Variants in AR observed in about 807,000 individuals in gnomAD.
AR encodes the protein androgen receptor.
AR carries 8 observed loss-of-function variants against 53.9 expected under a neutral mutation model. That is an observed-to-expected ratio of 0.15 (90% CI 0.09 to 0.27). AR has a LOEUF of 0.27. Ranked by LOEUF, AR falls within the 10% of genes least tolerant of loss-of-function variation. The pLI is 1.00. For synonymous variants in AR, 359 were observed against 316.4 expected, an observed-to-expected ratio of 1.13 and a Z score of -1.43; for missense variants, 639 against 742.5, an observed-to-expected ratio of 0.86 and a Z score of 1.62.
At chrX:67,677,437 CACAATCTA>C (rs1415234688) in intron 2 of AR, among the ~76,000 whole-genome samples, 1 of 111,781 alleles carries the variant, frequency 8.9e-6, no homozygotes, top group Non-Finnish European at 1.9e-5. Flanking sequence ...TTATCTCTTG[CACAATCTA>C]ACGAGGGAGA....
At chrX:67,546,892 T>G in intron 1 of AR, 130 bp downstream of exon 1, 1 of 772,698 alleles carries the variant, frequency 1.3e-6, no homozygotes, top group Non-Finnish European at 1.9e-6. Context: ...AGGGTAAACC[T>G]AGAGCTCTCC....
intron 3 of AR, among the ~76,000 whole-genome samples, chrX:67,693,475 T>G (rs1270541125): frequency 8.9e-6 from 1 of 112,604 alleles, no homozygotes; most frequent in Non-Finnish European, 1.9e-5. Context: ...TATTTATTAT[T>G]TAAAAAGAGT....
chrX:67,695,977 GA>G (rs2076018803), intron 3 of AR: 2 of 753,484 alleles, frequency 2.7e-6, no homozygotes, highest in Non-Finnish European at 3.1e-6. Context: ...AATGTGGATT[GA>G]AAGGCTAATG....
intron 3 of AR, among the ~76,000 whole-genome samples, chrX:67,697,652 A>T (rs149345212): frequency 9.0e-6 from 1 of 111,473 alleles, no homozygotes; most frequent in East Asian, 2.8e-4. Context: ...CATGGTGCAG[A>T]GTACCTTCAC....
chrX:67,676,372 C>CA (rs2075899980), intron 2 of AR, among the ~76,000 whole-genome samples: 1 of 111,851 alleles, frequency 8.9e-6, no homozygotes, highest in South Asian at 3.7e-4. Flanking sequence ...TTTATCACCA[C>CA]AAAAAATAGT....
chrX:67,575,625 C>T (rs1256884732), intron 1 of AR, among the ~76,000 whole-genome samples: 1 of 111,875 alleles, frequency 8.9e-6, no homozygotes, highest in Non-Finnish European at 1.9e-5. Flanking sequence ...GAGCTGTACT[C>T]AGATACTGAG....
At chrX:67,638,618 T>C (rs184620747) in intron 1 of AR, among the ~76,000 whole-genome samples, 65 of 112,407 alleles carry the variant, frequency 5.8e-4, no homozygotes, top group Non-Finnish European at 9.2e-4. Context: ...CATAAATGTC[T>C]TCTTTTGAGA....
intron 1 of AR, among the ~76,000 whole-genome samples, chrX:67,610,634 T>G (rs1472699720): frequency 9.0e-6 from 1 of 111,617 alleles, no homozygotes; most frequent in Non-Finnish European, 1.9e-5. Flanking sequence ...TTTTTTCACT[T>G]AATTAATAGA....
At chrX:67,705,586 G>A (rs775564351) in intron 3 of AR, among the ~76,000 whole-genome samples, 3 of 111,078 alleles carry the variant, frequency 2.7e-5, no homozygotes, top group Admixed American at 9.6e-5. Context: ...TCATGTCATC[G>A]GCAAACAGGG....
chrX:67,550,839 C>T (rs1294936758), intron 1 of AR, among the ~76,000 whole-genome samples: 1 of 108,605 alleles, frequency 9.2e-6, no homozygotes, highest in Non-Finnish European at 1.9e-5. Context: ...GAAATACAGA[C>T]TCTTCTTTCC....
chrX:67,709,669 C>A (rs2076085299), intron 3 of AR, among the ~76,000 whole-genome samples: 1 of 111,992 alleles, frequency 8.9e-6, no homozygotes, highest in South Asian at 3.8e-4. Flanking sequence ...TCCAACAAGC[C>A]CCAGTGAGAT....
chrX:67,551,860 C>T (rs983853523), intron 1 of AR, among the ~76,000 whole-genome samples: 1 of 111,482 alleles, frequency 9.0e-6, no homozygotes, highest in Non-Finnish European at 1.9e-5. Context: ...ATGGGTGATG[C>T]TACTCCCTCT....
chrX:67,679,790 A>G (rs1206648034), intron 2 of AR, among the ~76,000 whole-genome samples: 1 of 111,806 alleles, frequency 8.9e-6, no homozygotes, highest in Non-Finnish European at 1.9e-5. Flanking sequence ...TTATTTTTAT[A>G]TATCGAATAT....
chrX:67,661,713 G>T lies in AR; in HGVS notation c.1768+18306G>T, dbSNP rs148793984. 3.7e-3 allele frequency among the ~76,000 whole-genome samples: 417 copies of T among 111,548 alleles called. 1 individual carries two copies. The highest frequency in any genetic ancestry group is 0.013 in the African/African-American group (404 of 30,700). On this transcript the variant is annotated intron_variant, in intron 2 of 7. Transcript: ENST00000374690. ...GGATGATGTTGGCCTCCTAAAATGAGTTAGGGAGGATTCCCTCTTTTTCTA... is the reference window on the plus strand; with the variant it reads ...GGATGATGTTGGCCTCCTAAAATGATTTAGGGAGGATTCCCTCTTTTTCTA...
At chrX:67,717,443 C>T (rs1386508432) in intron 4 of AR, 35 bp from the exon 5 acceptor site, 1 of 1,209,562 alleles carries the variant, frequency 8.3e-7, no homozygotes, top group Non-Finnish European at 1.1e-6. Flanking sequence ...CGTCAGTACC[C>T]AGACTGACCA....
chrX:67,561,044 C>T (rs1486150992), intron 1 of AR, among the ~76,000 whole-genome samples: 1 of 111,938 alleles, frequency 8.9e-6, no homozygotes, highest in Non-Finnish European at 1.9e-5. Flanking sequence ...TCCCTTTTTT[C>T]TTTCTCCATC....
Position 67,544,632 on chromosome X carries a change from A to G in AR, c.-515A>G. 6.0e-6 allele frequency: 1 copy of G among 167,152 alleles called. No individual in the cohort carries two copies. The highest frequency in any genetic ancestry group is 8.5e-5 in the East Asian group (1 of 11,799). The allele number at this position is 167,152 out of a possible 1,213,427, so 13.8% of individuals were successfully genotyped here. On this transcript the variant is annotated 5_prime_UTR_variant, in exon 1 of 8. Coordinates refer to ENST00000374690, the MANE Select transcript of AR (RefSeq NM_000044.6). The stretch of plus-strand genomic sequence containing the variant: ...CCTGGTTAGGCTGCACGCGGAGAGA[A>G]CCCTCTGTTTTCCCCCACTCTCTCT...
At chrX:67,634,144 G>A (rs1269328811) in intron 1 of AR, among the ~76,000 whole-genome samples, 2 of 111,389 alleles carry the variant, frequency 1.8e-5, no homozygotes, top group African/African-American at 6.5e-5. Flanking sequence ...ATGGAGTAAG[G>A]GTGGGGAAAT....
chrX:67,637,892 G>A (rs966134287), intron 1 of AR, among the ~76,000 whole-genome samples: 2 of 110,326 alleles, frequency 1.8e-5, no homozygotes, highest in East Asian at 5.7e-4. Context: ...TTGTTACATA[G>A]GTACACACAT....
Sources: allele counts gnomAD v4.1 joint callset (sites outside exome capture counted in the v4.1 genomes callset), GRCh38; gene constraint gnomAD v4.1.1; transcripts MANE v1.5; gene names NCBI Gene and HGNC (gene_info 2026-07-23, HGNC 2026-07-21).